Variants in ASTN1 observed in about 807,000 individuals in gnomAD.
The protein encoded by ASTN1 is astrotactin 1.
Under a neutral mutation model 140.7 loss-of-function variants are expected in ASTN1, and 41 were observed. That is an observed-to-expected ratio of 0.29 (90% CI 0.23 to 0.38). The LOEUF (loss-of-function observed/expected upper bound fraction) is 0.38. ASTN1 is among the 10% of genes least tolerant of loss of function. The pLI is 1.00. For missense variants in ASTN1, 1,479 were observed against 1,678.8 expected, an observed-to-expected ratio of 0.88 and a Z score of 2.08; for synonymous variants, 640 against 652.2, an observed-to-expected ratio of 0.98 and a Z score of 0.29.
At chr1:177,002,975 A>G (rs569782532) in intron 8 of ASTN1, among the ~76,000 whole-genome samples, 52 of 152,134 alleles carry the variant, frequency 3.4e-4, no homozygotes, top group Non-Finnish European at 2.4e-4. Context: ...TCGGTAATAA[A>G]AAAAAAAGGC....
intron 1 of ASTN1, among the ~76,000 whole-genome samples, chr1:177,063,139 G>A (rs532029872): frequency 5.9e-5 from 9 of 152,138 alleles, no homozygotes; most frequent in East Asian, 5.8e-4. Flanking sequence ...CAGCTGGTCC[G>A]CTAAGGGTAG....
intron 17 of ASTN1, among the ~76,000 whole-genome samples, chr1:176,894,079 A>G (rs1269186556): frequency 1.3e-5 from 2 of 152,210 alleles, no homozygotes; most frequent in Non-Finnish European, 1.5e-5. Flanking sequence ...AACCCCTTCC[A>G]GGCTGAGGCT....
At chr1:176,921,772 C>A (rs1267163896) in intron 16 of ASTN1, among the ~76,000 whole-genome samples, 2 of 152,066 alleles carry the variant, frequency 1.3e-5, no homozygotes, top group Non-Finnish European at 2.9e-5. Context: ...TACAAAACAG[C>A]AAACATGGAG....
intron 11 of ASTN1, among the ~76,000 whole-genome samples, chr1:176,955,453 T>C (rs768272111): frequency 1.3e-5 from 2 of 152,076 alleles, no homozygotes; most frequent in Non-Finnish European, 2.9e-5. Flanking sequence ...CACCAGCCAA[T>C]GAGAAAAAGG....
At chr1:176,941,735 T>C (rs959003888) in intron 14 of ASTN1, among the ~76,000 whole-genome samples, 2 of 152,214 alleles carry the variant, frequency 1.3e-5, no homozygotes, top group Non-Finnish European at 2.9e-5. Flanking sequence ...CTCTCCACCA[T>C]AAGTTATATT....
intron 8 of ASTN1, among the ~76,000 whole-genome samples, chr1:177,006,529 A>C (rs923801795): frequency 1.3e-5 from 2 of 152,230 alleles, no homozygotes; most frequent in African/African-American, 4.8e-5. Context: ...TGGAATGCCC[A>C]TGCATGCAGT....
intron 1 of ASTN1, among the ~76,000 whole-genome samples, chr1:177,132,461 C>T (rs528318624): frequency 1.3e-5 from 2 of 152,272 alleles, no homozygotes; most frequent in African/African-American, 4.8e-5. Flanking sequence ...TGAATTTTTG[C>T]ATGCCCTTTC....
At chr1:176,922,381 G>C (rs1350433166) in intron 16 of ASTN1, among the ~76,000 whole-genome samples, 1 of 151,922 alleles carries the variant, frequency 6.6e-6, no homozygotes, top group African/African-American at 2.4e-5. Context: ...CACCTCTGGA[G>C]GATGTGCCTG....
In ASTN1 at chr1:176,949,306, C is replaced by T. The variant is rs779169468; in HGVS notation, c.1933G>A (p.Asp645Asn). 2.5e-6 allele frequency: 4 copies of T among 1,614,078 alleles called. No individual in the cohort carries two copies. In the East Asian group the frequency reaches 8.9e-5, roughly 36 times the overall value. Reference protein sequence around the residue: ...SPMKDSSGCYDRHIGVDCSDG... With the variant: ...SPMKDSSGCYNRHIGVDCSDG... ...GAACAGTCCACCCCGATGTGGCGGT[C>T]ATAGCAGCCAGAGCTGTCCTTCATG... The change falls in exon 12 of 23, where the codon GAC (aspartate) becomes AAC (asparagine). Residue 645 changes from aspartate to asparagine, a missense_variant. Transcript: ENST00000361833.
At chr1:177,086,986 C>T (rs796782383) in intron 1 of ASTN1, among the ~76,000 whole-genome samples, 3 of 152,140 alleles carry the variant, frequency 2.0e-5, no homozygotes, top group African/African-American at 7.2e-5. Flanking sequence ...CTACAGAGAA[C>T]TAGAAAACGG....
Position 176,899,595 on chromosome 1 carries a change from G to T in ASTN1, c.2672-4765C>A, listed in dbSNP as rs370967379. 9.2e-5 allele frequency among the ~76,000 whole-genome samples: 14 copies of T among 152,266 alleles called. No individual in the cohort carries two copies. The East Asian group carries it at 1.2e-3, about 13-fold the overall frequency. ...AATCCCAGCTTTTGGAGACAGCTTAGGATCTACAGGAAAGAAGGCTTGATG... is the reference window on the plus strand; with the variant it reads ...AATCCCAGCTTTTGGAGACAGCTTATGATCTACAGGAAAGAAGGCTTGATG... On this transcript the variant is annotated intron_variant, in intron 16 of 22. Transcript: ENST00000361833.
intron 14 of ASTN1, among the ~76,000 whole-genome samples, chr1:176,940,208 C>T (rs1671656177): frequency 2.0e-5 from 3 of 152,164 alleles, no homozygotes; most frequent in Admixed American, 2.0e-4. Flanking sequence ...AGAACTCTGA[C>T]TCACAATCCG....
At chr1:177,121,592 A>T (rs1019550940) in intron 1 of ASTN1, among the ~76,000 whole-genome samples, 5 of 152,104 alleles carry the variant, frequency 3.3e-5, no homozygotes, top group African/African-American at 1.2e-4. Context: ...TAAGGTATAG[A>T]GCATTTTACT....
chr1:176,860,483 T>G (rs1667928644), downstream of ASTN1, among the ~76,000 whole-genome samples: 2 of 152,202 alleles, frequency 1.3e-5, no homozygotes, highest in Admixed American at 1.3e-4. Context: ...AAAGTGGCAT[T>G]GTAGAGAGAA....
At chr1:177,138,604 T>C (rs954643093) in intron 1 of ASTN1, among the ~76,000 whole-genome samples, 4 of 152,202 alleles carry the variant, frequency 2.6e-5, no homozygotes, top group Admixed American at 2.6e-4. Context: ...AGCTGTGTCC[T>C]GAGGTGGTTT....
At chr1:177,135,606 G>T (rs1163584639) in intron 1 of ASTN1, among the ~76,000 whole-genome samples, 1 of 152,158 alleles carries the variant, frequency 6.6e-6, no homozygotes, top group African/African-American at 2.4e-5. Flanking sequence ...GAAAAGCTGG[G>T]GGGTACGGGA....
At chr1:176,979,428 C>T (rs992086550) in intron 8 of ASTN1, among the ~76,000 whole-genome samples, 3 of 152,186 alleles carry the variant, frequency 2.0e-5, no homozygotes, top group African/African-American at 7.2e-5. Flanking sequence ...GGTCCTTTCT[C>T]ATCTTTCAGT....
chr1:177,135,223 G>A (rs747159539), intron 1 of ASTN1, among the ~76,000 whole-genome samples: 8 of 151,882 alleles, frequency 5.3e-5, no homozygotes, highest in Middle Eastern at 3.4e-3. Flanking sequence ...CAGCTCGATG[G>A]GTGCTAGAAT....
At chr1:177,151,261 A>AC (rs1683018986) in intron 1 of ASTN1, among the ~76,000 whole-genome samples, 2 of 152,144 alleles carry the variant, frequency 1.3e-5, no homozygotes, top group South Asian at 4.1e-4. Context: ...ACAAAACAAA[A>AC]AAAAATCTAT....
Sources: allele counts gnomAD v4.1 joint callset (sites outside exome capture counted in the v4.1 genomes callset), GRCh38; gene constraint gnomAD v4.1.1; transcripts MANE v1.5; gene names NCBI Gene and HGNC (gene_info 2026-07-23, HGNC 2026-07-21).